RALYL: variants seen among roughly 807,000 people sequenced by gnomAD.
RALYL encodes RNA-binding Raly-like protein.
A neutral mutation model predicts 35.1 loss-of-function variants in RALYL; 29 were observed. The observed-to-expected ratio is 0.83, with a 90% CI of 0.61 to 1.13. RALYL has a LOEUF of 1.13. Among genes scored for constraint, RALYL ranks in the 50% most tolerant of loss-of-function variants. The pLI is 0.00. For missense variants in RALYL, 359 were observed against 360.4 expected, an observed-to-expected ratio of 1.00 and a Z score of 0.03; for synonymous variants, 120 against 127.6, an observed-to-expected ratio of 0.94 and a Z score of 0.40.
chr8:84,862,919 TATG>T (rs1240731671), intron 6 of RALYL, among the ~76,000 whole-genome samples: 2 of 152,326 alleles, frequency 1.3e-5, no homozygotes, highest in Admixed American at 6.5e-5. Flanking sequence ...AGTGATAAAT[TATG>T]ATAAGATATA....
chr8:84,902,363 A>T (rs1324553529), intron 8 of RALYL, among the ~76,000 whole-genome samples: 1 of 152,180 alleles, frequency 6.6e-6, no homozygotes, highest in Non-Finnish European at 1.5e-5. Context: ...CACCAAGAGG[A>T]TGGTGCTAAA....
intron 2 of RALYL, among the ~76,000 whole-genome samples, chr8:84,643,297 C>T (rs545838371): frequency 1.6e-3 from 238 of 151,884 alleles, no homozygotes; most frequent in Middle Eastern, 0.01. Flanking sequence ...CCCTAGCAGC[C>T]GAGTCTAAAT....
chr8:84,894,951 T>G lies in RALYL; in HGVS notation c.858+7175T>G, dbSNP rs184925975. Among the ~76,000 whole-genome samples the G allele has an allele frequency of 4.2e-3, 644 of 152,328 alleles. 9 individuals are homozygous for G. Among genetic ancestry groups the G allele is most frequent in the South Asian group, 0.036 (176 of 4,824 alleles). ...CATGACTTTGAGCAAGCCACTTACC[T>G]GTGCCTTCACTGGCTTTAGTTTTTC... is the stretch of plus-strand genomic sequence containing the variant. On this transcript the variant is annotated intron_variant, in intron 8 of 8. Transcript: ENST00000521268.
chr8:84,613,448 G>T lies in RALYL; in HGVS notation c.256+83871G>T, dbSNP rs200340596. 2.0e-5 allele frequency among the ~76,000 whole-genome samples: 3 copies of T among 151,510 alleles called. No homozygotes were observed. The East Asian group carries it at 5.8e-4, about 29-fold the overall frequency. ...ATGATAACCATAGAATCCACCGGAT[G>T]TTGAAAATGTGCAAGACACTGACAC... On this transcript the variant is annotated intron_variant, in intron 2 of 8. Coordinates refer to ENST00000521268, the MANE Select transcript of RALYL (RefSeq NM_173848.7).
At chr8:84,801,007 T>C (rs1300098828) in intron 3 of RALYL, among the ~76,000 whole-genome samples, 1 of 152,164 alleles carries the variant, frequency 6.6e-6, no homozygotes, top group Non-Finnish European at 1.5e-5. Context: ...TGCTATATAA[T>C]TGAGAAAAAT....
intron 2 of RALYL, among the ~76,000 whole-genome samples, chr8:84,551,245 T>C (rs1374122831): frequency 1.3e-5 from 2 of 152,124 alleles, no homozygotes; most frequent in African/African-American, 4.8e-5. Context: ...GTAATAATTA[T>C]GTCAAGTTTC....
At chr8:84,513,120 A>G (rs1443511693) in intron 1 of RALYL, among the ~76,000 whole-genome samples, 1 of 152,184 alleles carries the variant, frequency 6.6e-6, no homozygotes, top group Non-Finnish European at 1.5e-5. Context: ...TGGTATAATC[A>G]TTTAAAAATT....
chr8:84,375,981 G>A lies in RALYL; in HGVS notation c.-23-153318G>A, dbSNP rs1414046981. Among the ~76,000 whole-genome samples, 6 of 151,904 alleles carry A rather than the reference G, an allele frequency of 3.9e-5. No homozygotes were observed. The East Asian group carries it at 1.2e-3, about 30-fold the overall frequency. ...AAATAAGCAGAATAGAATGAAGCAA[G>A]GTAACATTTTCCGAAAGTGAAAAGC... On this transcript the variant is annotated intron_variant, in intron 1 of 8. Coordinates refer to ENST00000521268, the MANE Select transcript of RALYL (RefSeq NM_173848.7).
intron 2 of RALYL, among the ~76,000 whole-genome samples, chr8:84,570,724 C>T (rs1807754770): frequency 6.6e-6 from 1 of 151,814 alleles, no homozygotes; most frequent in African/African-American, 2.4e-5. Context: ...TGTGTATTTG[C>T]CATGGATGGC....
intron 2 of RALYL, among the ~76,000 whole-genome samples, chr8:84,557,211 C>T (rs777147725): frequency 6.6e-6 from 1 of 152,142 alleles, no homozygotes; most frequent in Non-Finnish European, 1.5e-5. Flanking sequence ...CACTATGGTA[C>T]GAGATCATAG....
At chr8:84,638,483 A>C (rs951800204) in intron 2 of RALYL, among the ~76,000 whole-genome samples, 7 of 151,866 alleles carry the variant, frequency 4.6e-5, no homozygotes, top group African/African-American at 1.7e-4. Context: ...ATGAAATTGA[A>C]ACAATAAAAA....
intron 2 of RALYL, among the ~76,000 whole-genome samples, chr8:84,620,388 G>A (rs892838936): frequency 9.2e-5 from 14 of 151,918 alleles, no homozygotes; most frequent in African/African-American, 1.5e-4. Flanking sequence ...GATCGCATCG[G>A]CTCCTGAGGC....
At chr8:84,893,403 A>G (rs1192360173) in intron 8 of RALYL, among the ~76,000 whole-genome samples, 2 of 152,206 alleles carry the variant, frequency 1.3e-5, no homozygotes, top group African/African-American at 4.8e-5. Context: ...TATCCACCAA[A>G]TCTGTATTCC....
At chr8:84,871,527 A>G (rs1163180195) in intron 6 of RALYL, among the ~76,000 whole-genome samples, 1 of 152,222 alleles carries the variant, frequency 6.6e-6, no homozygotes, top group Non-Finnish European at 1.5e-5. Flanking sequence ...CAAAGGAATG[A>G]GTACCACTCT....
At chr8:84,467,595 G>A (rs946051065) in intron 1 of RALYL, among the ~76,000 whole-genome samples, 1 of 150,448 alleles carries the variant, frequency 6.6e-6, no homozygotes, top group African/African-American at 2.4e-5. Context: ...GGTGTGGTGT[G>A]GTGCTGAAAA....
chr8:84,864,826 C>A, intron 6 of RALYL: 1 of 595,194 alleles, frequency 1.7e-6, no homozygotes, highest in South Asian at 1.5e-5. Flanking sequence ...TAGTCAATGT[C>A]ATGGTCAGTC....
At chr8:84,757,407 A>C (rs569066633) in intron 2 of RALYL, among the ~76,000 whole-genome samples, 1 of 152,184 alleles carries the variant, frequency 6.6e-6, no homozygotes, top group Non-Finnish European at 1.5e-5. Context: ...CGGTACAGAC[A>C]TTCATTCAAA....
chr8:84,726,269 ATATTT>A (rs1221249181), intron 2 of RALYL, among the ~76,000 whole-genome samples: 5 of 146,654 alleles, frequency 3.4e-5, no homozygotes, highest in African/African-American at 1.2e-4. Context: ...TTATTTTTAT[ATATTT>A]TATTTATATA....
At chr8:84,272,616 T>G (rs1395919076) in intron 1 of RALYL, among the ~76,000 whole-genome samples, 1 of 152,186 alleles carries the variant, frequency 6.6e-6, no homozygotes, top group Non-Finnish European at 1.5e-5. Context: ...ATGTAATAAT[T>G]TTAGTACTGA....
Sources: allele counts gnomAD v4.1 joint callset (sites outside exome capture counted in the v4.1 genomes callset), GRCh38; gene constraint gnomAD v4.1.1; transcripts MANE v1.5; gene names NCBI Gene and HGNC (gene_info 2026-07-23, HGNC 2026-07-21).